The following NRXN1 variants were observed in gnomAD, a reference collection of about 807,000 sequenced individuals.
NRXN1 encodes neurexin-1.
In NRXN1, 39 loss-of-function variants were observed where a neutral mutation model predicts 150.9. The ratio of observed to expected loss-of-function variants is 0.26; its 90% confidence interval spans 0.20 to 0.34. The LOEUF (loss-of-function observed/expected upper bound fraction) is 0.34, where lower values mean the gene tolerates loss of function less well. Among genes scored for constraint, NRXN1 ranks in the 10% least tolerant of loss-of-function variants. The pLI is 1.00. For missense variants in NRXN1, 1,815 were observed against 1,949.9 expected (o/e 0.93, Z 1.30); for synonymous variants, 924 against 757.0 (o/e 1.22, Z -3.62).
intron 21 of NRXN1, among the ~76,000 whole-genome samples, chr2:49,978,714 CA>C (rs60622757): frequency 0.38 from 46,752 of 122,978 alleles, 8,479 homozygotes; most frequent in South Asian, 0.45. Context: ...AGAGAGGCCA[CA>C]AAAAAAAAAA....
chr2:50,613,183 C>T (rs976436020), intron 8 of NRXN1, among the ~76,000 whole-genome samples: 1 of 152,038 alleles, frequency 6.6e-6, no homozygotes, highest in South Asian at 2.1e-4. Context: ...GAACTTCTGC[C>T]AAAAACATTA....
chr2:50,639,405 G>C (rs1277437228), intron 5 of NRXN1, among the ~76,000 whole-genome samples: 1 of 151,600 alleles, frequency 6.6e-6, no homozygotes, highest in East Asian at 1.9e-4. Flanking sequence ...ATTTTCAGTA[G>C]AGACAGGGTC....
chr2:50,392,269 T>C (rs1402245791), intron 17 of NRXN1, among the ~76,000 whole-genome samples: 3 of 152,148 alleles, frequency 2.0e-5, no homozygotes, highest in African/African-American at 7.2e-5. Context: ...TATATGATTG[T>C]CTTACTGCCT....
intron 5 of NRXN1, among the ~76,000 whole-genome samples, chr2:50,790,810 C>A (rs1024859456): frequency 6.6e-6 from 1 of 152,228 alleles, no homozygotes; most frequent in East Asian, 1.9e-4. Context: ...GGAGGGTTTT[C>A]TTCCCCCTAA....
At chr2:50,834,272 A>G (rs1487690704) in intron 5 of NRXN1, among the ~76,000 whole-genome samples, 3 of 152,180 alleles carry the variant, frequency 2.0e-5, no homozygotes, top group Admixed American at 6.5e-5. Flanking sequence ...ATCTGAATAC[A>G]TTTGTTTTCT....
intron 2 of NRXN1, among the ~76,000 whole-genome samples, chr2:50,989,686 T>A (rs1324947164): frequency 6.6e-6 from 1 of 152,048 alleles, no homozygotes; most frequent in Non-Finnish European, 1.5e-5. Context: ...CCAGTCTGTC[T>A]ATCCACTAAG....
At chr2:50,406,210 T>A (rs928121785) in intron 17 of NRXN1, among the ~76,000 whole-genome samples, 1 of 152,220 alleles carries the variant, frequency 6.6e-6, no homozygotes, top group African/African-American at 2.4e-5. Flanking sequence ...GTTTCACACC[T>A]ATTGGGAGAA....
At chr2:50,207,927 A>G (rs2062731905) in intron 18 of NRXN1, among the ~76,000 whole-genome samples, 3 of 152,042 alleles carry the variant, frequency 2.0e-5, no homozygotes. Flanking sequence ...AGGTTGGTAT[A>G]TGGTTTGAAG....
At chr2:50,236,464 A>G (rs1048937638) in intron 18 of NRXN1, among the ~76,000 whole-genome samples, 6 of 151,990 alleles carry the variant, frequency 3.9e-5, no homozygotes, top group African/African-American at 1.2e-4. Context: ...TGTGGTATCT[A>G]CTAGGCAATA....
chr2:50,699,987 T>C (rs1043181885), intron 5 of NRXN1, among the ~76,000 whole-genome samples: 1 of 152,098 alleles, frequency 6.6e-6, no homozygotes, highest in African/African-American at 2.4e-5. Context: ...CTTCTTTAAC[T>C]TACAAATTAT....
At chr2:50,160,869 G>C (rs1398606827) in intron 18 of NRXN1, among the ~76,000 whole-genome samples, 1 of 152,134 alleles carries the variant, frequency 6.6e-6, no homozygotes, top group East Asian at 1.9e-4. Context: ...TATTTCCTGG[G>C]CTTTTAAAAA....
chr2:49,972,207 C>T (rs1008194954), intron 21 of NRXN1, among the ~76,000 whole-genome samples: 1 of 152,098 alleles, frequency 6.6e-6, no homozygotes, highest in African/African-American at 2.4e-5. Flanking sequence ...TCCTTCAGTC[C>T]TATGACTTTT....
chr2:50,141,412 G>T (rs961473462), intron 18 of NRXN1, among the ~76,000 whole-genome samples: 1 of 151,960 alleles, frequency 6.6e-6, no homozygotes, highest in Non-Finnish European at 1.5e-5. Flanking sequence ...AAGATTTTAC[G>T]GCTAAGTCCT....
intron 2 of NRXN1, among the ~76,000 whole-genome samples, chr2:51,013,274 C>G (rs1668169597): frequency 6.6e-6 from 1 of 152,000 alleles, no homozygotes; most frequent in South Asian, 2.1e-4. Flanking sequence ...TCAGGGCAAA[C>G]ATAAGCATGT....
At chr2:50,811,065 T>C (rs1668150074) in intron 5 of NRXN1, among the ~76,000 whole-genome samples, 2 of 152,152 alleles carry the variant, frequency 1.3e-5, no homozygotes. Flanking sequence ...AAAAGAATTA[T>C]AGGGGGAAGA....
At chr2:50,102,456 T>C (rs1701101434) in intron 18 of NRXN1, among the ~76,000 whole-genome samples, 1 of 152,058 alleles carries the variant, frequency 6.6e-6, no homozygotes, top group South Asian at 2.1e-4. Flanking sequence ...TATTCACCAA[T>C]ATTTATGTAC....
chr2:50,945,585 T>C (rs1558468548), intron 2 of NRXN1, among the ~76,000 whole-genome samples: 1 of 151,868 alleles, frequency 6.6e-6, no homozygotes, highest in Non-Finnish European at 1.5e-5. Context: ...ATGAGCCAGA[T>C]TTGGCCTATA....
At chr2:50,656,221 TC>T in intron 5 of NRXN1, 1 of 552,660 alleles carries the variant, frequency 1.8e-6, no homozygotes, top group Non-Finnish European at 3.3e-6. Context: ...AGCAAAGTGA[TC>T]TTTTTTAAAC....
At chr2:50,778,062 C>T (rs1703876556) in intron 5 of NRXN1, among the ~76,000 whole-genome samples, 1 of 152,086 alleles carries the variant, frequency 6.6e-6, no homozygotes, top group Non-Finnish European at 1.5e-5. Context: ...TACACACCTC[C>T]TCCCCCCCTT....
Sources: allele counts gnomAD v4.1 joint callset (sites outside exome capture counted in the v4.1 genomes callset), GRCh38; gene constraint gnomAD v4.1.1; transcripts MANE v1.5; gene names NCBI Gene and HGNC (gene_info 2026-07-23, HGNC 2026-07-21).